Variants in LSM3 observed in about 807,000 individuals in gnomAD.
LSM3 encodes U6 snRNA-associated Sm-like protein LSm3.
In LSM3, 14 loss-of-function variants were observed where a neutral mutation model predicts 15.4. The observed-to-expected ratio is 0.91, with a 90% CI of 0.60 to 1.42. The LOEUF (loss-of-function observed/expected upper bound fraction) is 1.42, where lower values mean the gene tolerates loss of function less well. Among genes scored for constraint, LSM3 ranks in the 40% most tolerant of loss-of-function variants. LSM3 has a pLI of 0.00. For synonymous variants in LSM3, 46 were observed against 45.1 expected (o/e 1.02, Z -0.08); for missense variants, 88 against 127.9 (o/e 0.69, Z 1.50).
At chr3:14,189,560 G>T (rs1367886944) in intron 3 of LSM3, among the ~76,000 whole-genome samples, 1 of 152,096 alleles carries the variant, frequency 6.6e-6, no homozygotes, top group Non-Finnish European at 1.5e-5. Context: ...CAGTGATGAT[G>T]AGCTTTTTTT....
intron 3 of LSM3, among the ~76,000 whole-genome samples, chr3:14,189,947 T>C (rs1202115264): frequency 2.0e-5 from 3 of 152,246 alleles, no homozygotes; most frequent in Non-Finnish European, 2.9e-5. Flanking sequence ...CATTTAAGTC[T>C]TTGATCCATC....
At chr3:14,185,370 A>AG (rs1559391416) in intron 3 of LSM3, among the ~76,000 whole-genome samples, 1 of 143,510 alleles carries the variant, frequency 7.0e-6, no homozygotes, top group Non-Finnish European at 1.6e-5. Context: ...ACAAAACAAA[A>AG]CAAAAAAAAA....
intron 3 of LSM3, among the ~76,000 whole-genome samples, chr3:14,187,804 T>G (rs1697102864): frequency 6.6e-6 from 1 of 152,228 alleles, no homozygotes; most frequent in Admixed American, 6.5e-5. Context: ...GGCTGCTGAC[T>G]TATAAATGGG....
rs923535696 is a variant in LSM3, at chr3:14,199,282, T to C, written c.*1166T>C. On this transcript the variant is annotated 3_prime_UTR_variant, in exon 4 of 4. Transcript: ENST00000306024. Reference sequence around the variant, plus strand: ...TCTAGCTTCAGTCAGCACATAATGCTTAAAACCTAAAGAGGAAAGTAAAAG... The same window carrying C: ...TCTAGCTTCAGTCAGCACATAATGCCTAAAACCTAAAGAGGAAAGTAAAAG... 6.6e-6 allele frequency: 1 copy of C among 152,232 alleles called. No homozygotes were observed. Among genetic ancestry groups the C allele is most frequent in the African/African-American group, 2.4e-5 (1 of 41,466 alleles). The allele number at this position is 152,232 out of a possible 1,614,324, so 9.4% of individuals were successfully genotyped here. A position where few individuals can be genotyped will look rare whatever the true frequency, so the allele number is the denominator to read the frequency against.
In LSM3 at chr3:14,183,963, C is replaced by T; in HGVS notation, c.159C>T (p.Ile53=). The change falls in exon 3 of 4, where the codon ATC becomes ATT. Residue 53 remains isoleucine, a synonymous_variant. Transcript: ENST00000306024. ...CTTATGATCAACATTTAAATATGAT[C>T]TTGGGAGATGTGGAAGAAACTGTGA... The part of the protein sequence containing the change: ...LHAYDQHLNM[I]LGDVEETVTT... The T allele has an allele frequency of 6.2e-7, 1 of 1,608,872 alleles. No homozygotes were observed. The highest frequency in any genetic ancestry group is 1.1e-5 in the South Asian group (1 of 90,302).
intron 3 of LSM3, among the ~76,000 whole-genome samples, chr3:14,196,515 C>T (rs1474949043): frequency 6.6e-6 from 1 of 152,136 alleles, no homozygotes; most frequent in Non-Finnish European, 1.5e-5. Context: ...ACAGGATATC[C>T]ACCACAAAAA....
chr3:14,183,822 G>T, intron 2 of LSM3, 115 bp from the exon 3 acceptor site: 1 of 639,450 alleles, frequency 1.6e-6, no homozygotes. Context: ...GTAAAAGTTT[G>T]TGATGTAAGT....
intron 3 of LSM3, among the ~76,000 whole-genome samples, chr3:14,184,921 G>A (rs1252420593): frequency 6.6e-6 from 1 of 151,942 alleles, no homozygotes; most frequent in African/African-American, 2.4e-5. Context: ...GCTGGGTGTG[G>A]TGGCATATAT....
At chr3:14,191,889 A>C (rs1296767425) in intron 3 of LSM3, among the ~76,000 whole-genome samples, 2 of 151,918 alleles carry the variant, frequency 1.3e-5, no homozygotes, top group African/African-American at 4.8e-5. Context: ...TCAATTTTAG[A>C]TCTTTCCTGC....
Position 14,198,219 on chromosome 3 carries a change from A to G in LSM3, c.*103A>G. The G allele has an allele frequency of 1.2e-6, 1 of 850,660 alleles. No homozygotes were observed. The highest frequency in any genetic ancestry group is 2.5e-5 in the East Asian group (1 of 40,054). The allele number at this position is 850,660 out of a possible 1,614,324, so 52.7% of individuals were successfully genotyped here. On this transcript the variant is annotated 3_prime_UTR_variant, in exon 4 of 4. Transcript: ENST00000306024. ...GAAACCTGCATACATTTTGATATTA[A>G]GAAATAATTCCGGGGATTCTTCCAC...
chr3:14,194,203 C>T (rs1321237871), intron 3 of LSM3, among the ~76,000 whole-genome samples: 1 of 152,184 alleles, frequency 6.6e-6, no homozygotes, highest in Non-Finnish European at 1.5e-5. Context: ...TCGGCCCCAA[C>T]TGGGAGCTGA....
chr3:14,185,216 G>A (rs1697077697), intron 3 of LSM3, among the ~76,000 whole-genome samples: 1 of 152,028 alleles, frequency 6.6e-6, no homozygotes, highest in South Asian at 2.1e-4. Context: ...GCCGGCCGTG[G>A]CGGCAGGCAC....
rs1436714313 is a variant in LSM3 at position 14,180,820 on chromosome 3, C to CTTTTTTTTTTTTTTTTTTTT, written c.22-740_22-739insTTTTTTTTTTTTTTTTTTTT. 3.9e-5 allele frequency among the ~76,000 whole-genome samples: 2 copies of CTTTTTTTTTTTTTTTTTTTT among 51,398 alleles called. 1 individual carries two copies. Among genetic ancestry groups the CTTTTTTTTTTTTTTTTTTTT allele is most frequent in the African/African-American group, 1.5e-4 (2 of 13,078 alleles). 33.7% of individuals were successfully genotyped at this position (51,398 alleles called of 152,430 possible). A position where few individuals can be genotyped will look rare whatever the true frequency, so the allele number is the denominator to read the frequency against. On this transcript the variant is annotated intron_variant, in intron 1 of 3. Transcript: ENST00000306024. ...TGACTCCAAAGCCAGTGCTTGCTTG[C>CTTTTTTTTTTTTTTTTTTTT]CTTTTTTTTTTTTTTTTTTTTTTTT...
Position 14,198,159 on chromosome 3 carries a change from A to T in LSM3, c.*43A>T. 1 of 1,413,830 alleles carries T rather than the reference A, an allele frequency of 7.1e-7. No homozygotes were observed. The highest frequency in any genetic ancestry group is 1.7e-5 in the Admixed American group (1 of 59,206). The allele number at this position is 1,413,830 out of a possible 1,614,324, so 87.6% of individuals were successfully genotyped here. ...GTATGGAAAACGGGAGACTTTGTAC[A>T]GTGGCCTCTCTAAAAGTACAAAACA... is the stretch of plus-strand genomic sequence containing the variant. On this transcript the variant is annotated 3_prime_UTR_variant, in exon 4 of 4. Coordinates refer to ENST00000306024, the MANE Select transcript of LSM3 (RefSeq NM_014463.3).
Position 14,178,901 on chromosome 3 carries a change from G to A in LSM3, c.21+20G>A, listed in dbSNP as rs768085955. The A allele has an allele frequency of 5.6e-6, 9 of 1,614,040 alleles. No homozygotes were observed. Among genetic ancestry groups the A allele is most frequent in the Non-Finnish European group, 7.6e-6 (9 of 1,179,950 alleles). On this transcript the variant is annotated intron_variant, in intron 1 of 3. Coordinates refer to ENST00000306024, the MANE Select transcript of LSM3 (RefSeq NM_014463.3). ...GACCAGGTAAGTGTATTTTAAGGAG[G>A]TCGCTCGAAGGAGCTTCTTGTACTA...
rs1195913208 is a variant in LSM3, at chr3:14,184,027, T to C, written c.223T>C (p.Tyr75His). 3.1e-6 allele frequency: 5 copies of C among 1,605,252 alleles called. No individual in the cohort carries two copies. In the Admixed American group the frequency reaches 8.6e-5, roughly 28 times the overall value. Residue 75 changes from tyrosine (Y) to histidine (H), a missense_variant, in exon 3 of 4, where the codon TAT becomes CAT. Tyr to His is a moderately conservative substitution (Grantham distance 83). Transcript: ENST00000306024. ...EIDEETYEEI[Y>H]KSTKRNIPML... is the part of the protein sequence containing the mutation. ...TGATGAAGAAACATATGAAGAGATA[T>C]ATAAAGTAAGTCATGCAATTCTATT...
rs565301377 is a variant in LSM3, at chr3:14,182,337, C to CT, written c.132+679dup. Among the ~76,000 whole-genome samples, 992 of 145,416 alleles carry CT rather than the reference C, an allele frequency of 6.8e-3. 7 individuals carry two copies. Among genetic ancestry groups the CT allele is most frequent in the African/African-American group, 0.02 (816 of 39,876 alleles). On this transcript the variant is annotated intron_variant, in intron 2 of 3. Transcript: ENST00000306024. ...TCTTGCCATACATGTTTTTCAGTAC[C>CT]TTTTTTTTTTTTCACTTAATCTTTC...
At chr3:14,196,943 C>T (rs1329047168) in intron 3 of LSM3, among the ~76,000 whole-genome samples, 1 of 152,244 alleles carries the variant, frequency 6.6e-6, no homozygotes, top group Non-Finnish European at 1.5e-5. Context: ...GTTTCTAGGA[C>T]TGCTTTATTT....
Position 14,198,138 on chromosome 3 carries a change from G to T in LSM3, c.*22G>T. ...CTGAAACAAAGAATTTGTCCTGTAT[G>T]GAAAACGGGAGACTTTGTACAGTGG... On this transcript the variant is annotated 3_prime_UTR_variant, in exon 4 of 4. Transcript: ENST00000306024. The T allele has an allele frequency of 6.3e-7, 1 of 1,585,362 alleles. No individual in the cohort carries two copies. The highest frequency in any genetic ancestry group is 8.7e-7 in the Non-Finnish European group (1 of 1,155,114).
Sources: gnomAD v4.1 joint callset for allele counts (sites outside exome capture counted in the v4.1 genomes callset) on GRCh38, gnomAD v4.1.1 for gene constraint, MANE v1.5 for transcripts, NCBI Gene and HGNC (gene_info 2026-07-23, HGNC 2026-07-21) for gene names.